The following ARMC9 variants were observed in gnomAD, a reference collection of about 807,000 sequenced individuals.
ARMC9 encodes the protein armadillo repeat containing 9, also known as lisH domain-containing protein ARMC9.
A neutral mutation model predicts 107.0 loss-of-function variants in ARMC9; 94 were observed. That is an observed-to-expected ratio of 0.88 (90% CI 0.74 to 1.04). The LOEUF (loss-of-function observed/expected upper bound fraction) is 1.04. ARMC9 is among the 50% of genes least tolerant of loss of function. The pLI is 0.00. For missense variants in ARMC9, 942 were observed against 1,030.1 expected (o/e 0.91, Z 1.17); for synonymous variants, 380 against 396.9 (o/e 0.96, Z 0.51).
rs1038221252 is a variant in ARMC9, at chr2:231,360,949, G to A, written c.2261+66G>A. 2.1e-5 allele frequency: 31 copies of A among 1,457,156 alleles called. No individual in the cohort carries two copies. Among genetic ancestry groups the A allele is most frequent in the Admixed American group, 1.8e-4 (7 of 38,674 alleles). 90.3% of individuals were successfully genotyped at this position (1,457,156 alleles called of 1,614,324 possible). ...GCTCTGGGAGTGGGCGCCCCACGCC[G>A]GATGCAGAGCACCCAGGAGACCTGG... is the stretch of plus-strand genomic sequence containing the variant. On this transcript the variant is annotated intron_variant, in intron 23 of 24. Coordinates refer to ENST00000611582, the MANE Select transcript of ARMC9 (RefSeq NM_001352754.2). This position sits in a 1 kb window ranked among gnomAD's most constrained non-coding sequence, Gnocchi z 4.7.
chr2:231,345,292 G>A, intron 21 of ARMC9: 1 of 1,008,846 alleles, frequency 9.9e-7, no homozygotes, highest in Non-Finnish European at 1.3e-6. Context: ...AGAAGGAGAA[G>A]TGGTTGGATT....
intron 10 of ARMC9, among the ~76,000 whole-genome samples, chr2:231,257,548 G>T (rs142040662): frequency 1.3e-5 from 2 of 152,084 alleles, no homozygotes; most frequent in African/African-American, 4.8e-5. Context: ...TTGACCCCAC[G>T]CTTTATTCTC....
chr2:231,356,070 G>C, intron 22 of ARMC9, 136 bp downstream of exon 22: 10 of 1,191,792 alleles, frequency 8.4e-6, no homozygotes, highest in Non-Finnish European at 1.1e-5. Context: ...CCGTGTCACA[G>C]AGGCTCACGG....
chr2:231,324,096 A>G (rs1206352624), intron 19 of ARMC9, among the ~76,000 whole-genome samples: 1 of 145,868 alleles, frequency 6.9e-6, no homozygotes, highest in Non-Finnish European at 1.5e-5. Flanking sequence ...GGGCCTATCA[A>G]TTCTCAGCAA....
At position 231,297,856 on chromosome 2, in the gene ARMC9, A is replaced by G. The variant is rs1474327315; in HGVS notation, c.1773+1603A>G. Among the ~76,000 whole-genome samples the G allele has an allele frequency of 6.6e-6, 1 of 152,120 alleles. No individual in the cohort carries two copies. Among genetic ancestry groups the G allele is most frequent in the Admixed American group, 6.5e-5 (1 of 15,268 alleles). On this transcript the variant is annotated intron_variant, in intron 19 of 24. Transcript: ENST00000611582. The surrounding 1 kb of genome is among the most constrained non-coding windows in gnomAD (Gnocchi z 4.2). ...TAACAACTTTTTTTCATTGTGTCCT[A>G]AAGTTTGTCTCGAGATCTGTTTTCT...
intron 19 of ARMC9, among the ~76,000 whole-genome samples, chr2:231,302,361 A>T (rs1160136784): frequency 1.3e-5 from 2 of 151,338 alleles, no homozygotes; most frequent in Non-Finnish European, 2.9e-5. Flanking sequence ...TTACATTAAT[A>T]TAAATAAGAT....
chr2:231,365,778 T>A (rs936000466), intron 23 of ARMC9, among the ~76,000 whole-genome samples: 2 of 151,980 alleles, frequency 1.3e-5, no homozygotes, highest in Admixed American at 6.6e-5. Context: ...CTCCTCGGCC[T>A]CCTGGGGCTT....
At chr2:231,232,745 C>G (rs1192407544) in intron 7 of ARMC9, among the ~76,000 whole-genome samples, 2 of 151,384 alleles carry the variant, frequency 1.3e-5, no homozygotes, top group Admixed American at 6.6e-5. Context: ...GCCACTGCGC[C>G]CGGCCTTTGC....
chr2:231,212,927 G>C (rs561842098), intron 3 of ARMC9, among the ~76,000 whole-genome samples: 3 of 152,292 alleles, frequency 2.0e-5, no homozygotes, highest in Non-Finnish European at 4.4e-5. Context: ...ACCTTCCAGC[G>C]TAAGGCAGTA....
chr2:231,330,977 C>A (rs59543200), intron 19 of ARMC9, among the ~76,000 whole-genome samples: 11,194 of 151,924 alleles, frequency 0.074, 1,335 homozygotes, highest in African/African-American at 0.25. Flanking sequence ...CTCGTCTATA[C>A]AAAAAAATAC....
intron 24 of ARMC9, 154 bp downstream of exon 24, chr2:231,370,279 GC>G: frequency 1.1e-6 from 1 of 872,710 alleles, no homozygotes; most frequent in Non-Finnish European, 1.6e-6. Flanking sequence ...ACACAACCAG[GC>G]CCCAGCAGGT....
At chr2:231,353,927 A>G (rs995903534) in intron 21 of ARMC9, among the ~76,000 whole-genome samples, 1 of 151,800 alleles carries the variant, frequency 6.6e-6, no homozygotes, top group Non-Finnish European at 1.5e-5. Flanking sequence ...GGGGACATCC[A>G]TATTTTGTGA....
chr2:231,217,142 A>G (rs1318149001), intron 5 of ARMC9, among the ~76,000 whole-genome samples: 1 of 152,248 alleles, frequency 6.6e-6, no homozygotes, highest in Non-Finnish European at 1.5e-5. Flanking sequence ...ATGGAATATT[A>G]TACATCAATG....
chr2:231,373,928 G>C lies in ARMC9; in HGVS notation c.*2393G>C, dbSNP rs1331832002. 6.6e-6 allele frequency: 1 copy of C among 152,048 alleles called. No homozygotes were observed. The highest frequency in any genetic ancestry group is 2.4e-5 in the African/African-American group (1 of 41,372). The allele number at this position is 152,048 out of a possible 1,614,324, so 9.4% of individuals were successfully genotyped here. A position where few individuals can be genotyped will look rare whatever the true frequency, so the allele number is the denominator to read the frequency against. On this transcript the variant is annotated 3_prime_UTR_variant, in exon 25 of 25. Transcript: ENST00000611582. This position sits in a 1 kb window ranked among gnomAD's most constrained non-coding sequence, Gnocchi z 4.4. ...AAAAAAAAATACATTGAGATTACCA[G>C]GTGGGGTATGTGTGGTTCTTCCAGG...
intron 20 of ARMC9, among the ~76,000 whole-genome samples, chr2:231,341,640 TGATAGATA>T (rs56256642): frequency 0.028 from 3,966 of 140,108 alleles, 161 homozygotes; most frequent in African/African-American, 0.11. Flanking sequence ...GATAGATAGA[TGATAGATA>T]GATAGATAGA....
In ARMC9 at chr2:231,255,452, A is replaced by G. The variant is rs896469562; in HGVS notation, c.880-1134A>G. ...ATATTGCTTTTGTTCTTCACAATGTATTTAACTAGGCAGTTTGAAATGCCC... is the reference window on the plus strand; with the variant it reads ...ATATTGCTTTTGTTCTTCACAATGTGTTTAACTAGGCAGTTTGAAATGCCC... On this transcript the variant is annotated intron_variant, in intron 9 of 24. Coordinates refer to ENST00000611582, the MANE Select transcript of ARMC9 (RefSeq NM_001352754.2). This position sits in a 1 kb window ranked among gnomAD's most constrained non-coding sequence, Gnocchi z 4.7. Among the ~76,000 whole-genome samples, 3 of 152,222 alleles carry G rather than the reference A, an allele frequency of 2.0e-5. No homozygotes were observed. Among genetic ancestry groups the G allele is most frequent in the Non-Finnish European group, 4.4e-5 (3 of 68,044 alleles).
chr2:231,288,570 A>G (rs1447530113), intron 17 of ARMC9: 1 of 468,888 alleles, frequency 2.1e-6, no homozygotes, highest in Admixed American at 2.4e-5. Flanking sequence ...TAAAAGTAGA[A>G]GTGAGTTCGA....
chr2:231,369,888 C>A lies in ARMC9; in HGVS notation c.2262-65C>A, dbSNP rs2045951459. ...GGATTATAGGCGGGAGCCACCACAC[C>A]CGGCCCCTCCTGTGGTTTCTAATGC... On this transcript the variant is annotated intron_variant, in intron 23 of 24. Coordinates refer to ENST00000611582, the MANE Select transcript of ARMC9 (RefSeq NM_001352754.2). 4 of 1,366,148 alleles carry A rather than the reference C, an allele frequency of 2.9e-6. No individual in the cohort carries two copies. The African/African-American group carries it at 5.9e-5, about 20-fold the overall frequency. 84.6% of individuals were successfully genotyped at this position (1,366,148 alleles called of 1,614,324 possible).
intron 13 of ARMC9, among the ~76,000 whole-genome samples, chr2:231,271,615 T>C (rs1290168036): frequency 6.6e-6 from 1 of 152,238 alleles, no homozygotes; most frequent in African/African-American, 2.4e-5. Flanking sequence ...CTCTTTATAA[T>C]GTGAATAAAG....
Sources: gnomAD v4.1 joint callset for allele counts (sites outside exome capture counted in the v4.1 genomes callset) on GRCh38, gnomAD v4.1.1 for gene constraint, Gnocchi (gnomAD v3.1) non-coding constraint, MANE v1.5 for transcripts, NCBI Gene and HGNC (gene_info 2026-07-23, HGNC 2026-07-21) for gene names.